The following PACS2 variants were observed in gnomAD, a reference collection of about 807,000 sequenced individuals.
PACS2 encodes the protein PACS1-like protein.
A neutral mutation model predicts 113.0 loss-of-function variants in PACS2; 36 were observed. The observed-to-expected ratio is 0.32, with a 90% confidence interval of 0.24 to 0.42. The LOEUF (loss-of-function observed/expected upper bound fraction) is 0.42. Ranked by LOEUF, PACS2 falls within the 10% of genes least tolerant of loss-of-function variation. PACS2 has a pLI of 1.00. For synonymous variants in PACS2, 589 were observed against 536.1 expected, an observed-to-expected ratio of 1.10 and a Z score of -1.36; for missense variants, 1,015 against 1,239.5, an observed-to-expected ratio of 0.82 and a Z score of 2.72.
chr14:105,382,080 C>A, intron 13 of PACS2, 22 bp downstream of exon 13: 1 of 1,540,706 alleles, frequency 6.5e-7, no homozygotes, highest in East Asian at 2.4e-5. Context: ...GGGCGTGGCA[C>A]GCCCAGGAGG....
rs2060917998 is a variant in PACS2, at chr14:105,365,626, G to A, written c.424-1587G>A. Among the ~76,000 whole-genome samples the A allele has an allele frequency of 6.6e-6, 1 of 152,148 alleles. No individual in the cohort carries two copies. Among genetic ancestry groups the A allele is most frequent in the African/African-American group, 2.4e-5 (1 of 41,430 alleles). ...CTGAGCCCCGTGGAGGTTGGTATGA[G>A]CAGGTGCAGCACCACCTGAGCCCCA... On this transcript the variant is annotated intron_variant, in intron 4 of 24. Transcript: ENST00000447393. The surrounding 1 kb of genome is among the most constrained non-coding windows in gnomAD (Gnocchi z 5.1).
In PACS2 at chr14:105,393,842, C is replaced by T. The variant is rs187895338; in HGVS notation, c.2596+507C>T. On this transcript the variant is annotated intron_variant, in intron 24 of 24. Transcript: ENST00000447393. Reference sequence around the variant, plus strand: ...CTGACCTCAGGTGATCTGCCTGCCTCGGCCTCCCAAAGTGCTGGGATTATG... The same window carrying T: ...CTGACCTCAGGTGATCTGCCTGCCTTGGCCTCCCAAAGTGCTGGGATTATG... 5.4e-3 allele frequency among the ~76,000 whole-genome samples: 817 copies of T among 152,044 alleles called. 10 individuals are homozygous for T. The highest frequency in any genetic ancestry group is 0.018 in the African/African-American group (749 of 41,490).
intron 2 of PACS2, 117 bp from the exon 3 acceptor site, chr14:105,352,261 C>A: frequency 1.4e-6 from 1 of 715,402 alleles, no homozygotes; most frequent in South Asian, 1.6e-5. Context: ...GCCTACCACC[C>A]CCAGACTGCA....
Position 105,362,272 on chromosome 14 carries a change from G to C in PACS2, c.424-4941G>C, listed in dbSNP as rs1347498156. Among the ~76,000 whole-genome samples the C allele has an allele frequency of 4.0e-5, 6 of 150,784 alleles. No homozygotes were observed. In the South Asian group the frequency reaches 1.3e-3, roughly 31 times the overall value. Reference sequence around the variant, plus strand: ...TCTCTACTGAAAATATAAAAAATTAGCTGGGCGTGGTGGCGGGCGCCTGTA... The same window carrying C: ...TCTCTACTGAAAATATAAAAAATTACCTGGGCGTGGTGGCGGGCGCCTGTA... On this transcript the variant is annotated intron_variant, in intron 4 of 24. Coordinates refer to ENST00000447393, the MANE Select transcript of PACS2 (RefSeq NM_001100913.3).
At chr14:105,351,970 C>G (rs2060196854) in intron 2 of PACS2, among the ~76,000 whole-genome samples, 5 of 152,268 alleles carry the variant, frequency 3.3e-5, no homozygotes, top group Admixed American at 3.3e-4. Context: ...CCAGCCTGAG[C>G]AACACAGCGA....
In PACS2 at chr14:105,396,436, C is replaced by T. The variant is rs368984428; in HGVS notation, c.*1764C>T. The T allele has an allele frequency of 1.3e-3, 204 of 152,192 alleles. 1 individual carries two copies. In the Middle Eastern group the frequency reaches 0.037, roughly 28 times the overall value. 9.4% of individuals were successfully genotyped at this position (152,192 alleles called of 1,614,324 possible). A position where few individuals can be genotyped will look rare whatever the true frequency, so the allele number is the denominator to read the frequency against. Reference sequence around the variant, plus strand: ...GCAACAGGTGGGACCCTGACTGACTCGTTCAGCTGCCCCCAAGCTGGGCTG... The same window carrying T: ...GCAACAGGTGGGACCCTGACTGACTTGTTCAGCTGCCCCCAAGCTGGGCTG... On this transcript the variant is annotated 3_prime_UTR_variant, in exon 25 of 25. Coordinates refer to ENST00000447393, the MANE Select transcript of PACS2 (RefSeq NM_001100913.3).
chr14:105,316,131 G>C (rs1468001905), intron 1 of PACS2, among the ~76,000 whole-genome samples: 3 of 152,250 alleles, frequency 2.0e-5, no homozygotes, highest in Non-Finnish European at 4.4e-5. Flanking sequence ...CTGGAGCGCA[G>C]GGTTGGGACC....
chr14:105,366,997 C>T lies in PACS2; in HGVS notation c.424-216C>T, dbSNP rs1036052442. 1.3e-5 allele frequency among the ~76,000 whole-genome samples: 2 copies of T among 152,134 alleles called. No individual in the cohort carries two copies. Among genetic ancestry groups the T allele is most frequent in the African/African-American group, 4.8e-5 (2 of 41,424 alleles). On this transcript the variant is annotated intron_variant, in intron 4 of 24. Transcript: ENST00000447393. The surrounding 1 kb of genome is among the most constrained non-coding windows in gnomAD (Gnocchi z 4.3). ...CTCCCACGTGTTCCTCTCGTCTGTC[C>T]GCCTGGCTCCTGTGTCCTCCTCTCG... is the stretch of plus-strand genomic sequence containing the variant.
At chr14:105,382,972 C>T (rs2141248880) in intron 15 of PACS2, 59 bp downstream of exon 15, 1 of 980,304 alleles carries the variant, frequency 1.0e-6, no homozygotes, top group Non-Finnish European at 1.6e-6. Flanking sequence ...CCCTGCACCC[C>T]CACCTCTGCC....
chr14:105,391,143 C>A, intron 20 of PACS2, 64 bp from the exon 21 acceptor site: 2 of 1,347,148 alleles, frequency 1.5e-6, no homozygotes, highest in Non-Finnish European at 2.1e-6. Flanking sequence ...GGGAGCCCCA[C>A]TGGGAGGGCG....
At position 105,364,374 on chromosome 14, in the gene PACS2, GTCCCGGGTGC is replaced by G. The variant is rs1566943275; in HGVS notation, c.424-2838_424-2829del. ...GCGGTGTCCCGGGTGCACGGTGGGC[GTCCCGGGTGC>G]GCGGTGGGCGGTGTCCCGGGTGCGC... On this transcript the variant is annotated intron_variant, in intron 4 of 24. Coordinates refer to ENST00000447393, the MANE Select transcript of PACS2 (RefSeq NM_001100913.3). 7.7e-3 allele frequency among the ~76,000 whole-genome samples: 1,042 copies of G among 135,498 alleles called. 30 individuals carry two copies. Among genetic ancestry groups the G allele is most frequent in the African/African-American group, 0.029 (986 of 33,934 alleles). 88.9% of individuals were successfully genotyped at this position (135,498 alleles called of 152,430 possible). A position where few individuals can be genotyped will look rare whatever the true frequency, so the allele number is the denominator to read the frequency against.
intron 3 of PACS2, among the ~76,000 whole-genome samples, chr14:105,353,065 C>CCT (rs2060276991): frequency 1.7e-5 from 2 of 117,800 alleles, no homozygotes; most frequent in South Asian, 3.1e-4. Context: ...ACGGGCACCC[C>CCT]CATCACTGTC....
intron 9 of PACS2, among the ~76,000 whole-genome samples, chr14:105,379,336 C>T (rs1235124353): frequency 6.6e-6 from 1 of 152,264 alleles, no homozygotes; most frequent in Admixed American, 6.5e-5. Flanking sequence ...CACCTGTTTG[C>T]TGCAGGCTGG....
At chr14:105,377,081 G>A (rs2080810613) in intron 9 of PACS2, among the ~76,000 whole-genome samples, 156 bp downstream of exon 9, 1 of 152,216 alleles carries the variant, frequency 6.6e-6, no homozygotes, top group Non-Finnish European at 1.5e-5. Flanking sequence ...GGAAGGAGGG[G>A]TGTGCGGCTG....
intron 4 of PACS2, among the ~76,000 whole-genome samples, chr14:105,359,826 C>T (rs2060609037): frequency 6.6e-6 from 1 of 152,142 alleles, no homozygotes; most frequent in Non-Finnish European, 1.5e-5. Context: ...CTCCTGACCT[C>T]GCGATCCGCC....
intron 15 of PACS2, 90 bp from the exon 16 acceptor site, chr14:105,383,269 C>A: frequency 6.9e-7 from 1 of 1,450,632 alleles, no homozygotes; most frequent in Non-Finnish European, 9.6e-7. Flanking sequence ...AGGCACGGAG[C>A]CCCCTGGGCT....
At position 105,358,775 on chromosome 14, in the gene PACS2, C is replaced by T. The variant is rs1383275349; in HGVS notation, c.423+3598C>T. 6.6e-6 allele frequency among the ~76,000 whole-genome samples: 1 copy of T among 152,108 alleles called. No individual in the cohort carries two copies. Among genetic ancestry groups the T allele is most frequent in the African/African-American group, 2.4e-5 (1 of 41,420 alleles). ...CCAGCCCAAGGGGACCTGTGAGGGGCGGGCGGCTCATGGTGGGACACAGGA... is the reference window on the plus strand; with the variant it reads ...CCAGCCCAAGGGGACCTGTGAGGGGTGGGCGGCTCATGGTGGGACACAGGA... On this transcript the variant is annotated intron_variant, in intron 4 of 24. Transcript: ENST00000447393. This position sits in a 1 kb window ranked among gnomAD's most constrained non-coding sequence, Gnocchi z 4.9.
At chr14:105,302,021 C>T (rs1476437713) in intron 1 of PACS2, among the ~76,000 whole-genome samples, 1 of 152,024 alleles carries the variant, frequency 6.6e-6, no homozygotes, top group East Asian at 2.0e-4. Context: ...CGCCTGTAAT[C>T]CCAGCTACTC....
chr14:105,393,256 C>A lies in PACS2; in HGVS notation c.2517C>A (p.Asp839Glu), dbSNP rs141292203. Reference protein sequence around the residue: ...MFLPKKAKDKDVESKSQCIEG... With the variant: ...MFLPKKAKDKEVESKSQCIEG... ...TGCCCAAGAAAGCGAAGGACAAGGA[C>A]GTGGAGTCTAAGAGCCAGTGCATTG... is the stretch of plus-strand genomic sequence containing the variant. Residue 839 changes from aspartate to glutamate, a missense_variant, in exon 24 of 25, where the codon GAC becomes GAA. This residue lies in a region of PACS2 where 859 missense variants were observed against 1,056.8 expected (regional missense o/e 0.81). Coordinates refer to ENST00000447393, the MANE Select transcript of PACS2 (RefSeq NM_001100913.3). 6.2e-7 allele frequency: 1 copy of A among 1,612,854 alleles called. No individual in the cohort carries two copies. The highest frequency in any genetic ancestry group is 1.1e-5 in the South Asian group (1 of 91,086).
Sources: allele counts gnomAD v4.1 joint callset (sites outside exome capture counted in the v4.1 genomes callset), GRCh38; gene constraint gnomAD v4.1.1; regional missense constraint gnomAD v4.1.1; non-coding constraint Gnocchi (gnomAD v3.1); transcripts MANE v1.5; gene names NCBI Gene and HGNC (gene_info 2026-07-23, HGNC 2026-07-21).